CCDC102B: variants seen among roughly 807,000 people sequenced by gnomAD.
CCDC102B encodes the protein coiled-coil domain containing 102B.
A neutral mutation model predicts 57.4 loss-of-function variants in CCDC102B; 75 were observed. The observed-to-expected ratio is 1.31, with a 90% CI of 1.08 to 1.58. The LOEUF (loss-of-function observed/expected upper bound fraction) is 1.58. Among genes scored for constraint, CCDC102B ranks in the 40% most tolerant of loss-of-function variants. The pLI, the probability that CCDC102B is intolerant of heterozygous loss-of-function variation, is 0.00. For missense variants in CCDC102B, 636 were observed against 582.6 expected (o/e 1.09, Z -0.94); for synonymous variants, 206 against 201.9 (o/e 1.02, Z -0.17).
chr18:68,995,575 G>A (rs2051002891), intron 6 of CCDC102B, among the ~76,000 whole-genome samples: 1 of 152,112 alleles, frequency 6.6e-6, no homozygotes, highest in Non-Finnish European at 1.5e-5. Flanking sequence ...TCCACATGGT[G>A]TTCGGCCTGT....
intron 6 of CCDC102B, among the ~76,000 whole-genome samples, chr18:68,928,970 C>A (rs1250681414): frequency 6.6e-6 from 1 of 151,746 alleles, no homozygotes; most frequent in Non-Finnish European, 1.5e-5. Context: ...AAAAGGTGTG[C>A]CTTTCTGAAG....
chr18:68,791,304 C>A, intron 2 of CCDC102B, among the ~76,000 whole-genome samples: 1 of 152,146 alleles, frequency 6.6e-6, no homozygotes, highest in East Asian at 1.9e-4. Flanking sequence ...AGTTGAATTG[C>A]AATTTAATAT....
At chr18:68,741,487 T>G (rs2033379108) in intron 2 of CCDC102B, among the ~76,000 whole-genome samples, 1 of 152,078 alleles carries the variant, frequency 6.6e-6, no homozygotes, top group Non-Finnish European at 1.5e-5. Flanking sequence ...GGGACAGAAA[T>G]GAAGAAACTG....
chr18:68,716,765 C>A (rs2032025378), intron 2 of CCDC102B, among the ~76,000 whole-genome samples: 1 of 151,834 alleles, frequency 6.6e-6, no homozygotes, highest in Non-Finnish European at 1.5e-5. Context: ...GAGACCCCAT[C>A]TGTACAAAAA....
intron 6 of CCDC102B, among the ~76,000 whole-genome samples, chr18:68,914,466 A>G (rs2040991141): frequency 6.6e-6 from 1 of 152,208 alleles, no homozygotes; most frequent in African/African-American, 2.4e-5. Context: ...ATGAATACAT[A>G]TTATCGTAAA....
chr18:68,816,459 CTTTTTTTTTTTTT>C (rs869077830), intron 1 of CCDC102B, among the ~76,000 whole-genome samples: 2 of 100,588 alleles, frequency 2.0e-5, no homozygotes, highest in African/African-American at 4.0e-5. Context: ...TATTTCCTTT[CTTTTTTTTTTTTT>C]TTTTTTTTTT....
At chr18:69,049,843 T>G (rs1261888801) in intron 7 of CCDC102B, among the ~76,000 whole-genome samples, 1 of 151,890 alleles carries the variant, frequency 6.6e-6, no homozygotes, top group Non-Finnish European at 1.5e-5. Context: ...GGAGTCTCAC[T>G]ATGTTGCCCA....
intron 6 of CCDC102B, among the ~76,000 whole-genome samples, chr18:68,950,608 G>A (rs11876450): frequency 0.013 from 2,028 of 151,954 alleles, 44 homozygotes; most frequent in African/African-American, 0.046. Context: ...TCTCACCGTC[G>A]ATTCTCAATC....
intron 6 of CCDC102B, among the ~76,000 whole-genome samples, chr18:68,924,947 C>T (rs1328192629): frequency 7.9e-5 from 12 of 152,014 alleles, no homozygotes; most frequent in Admixed American, 5.9e-4. Flanking sequence ...TTGGGCAAGT[C>T]TGTGACAGGC....
intron 6 of CCDC102B, among the ~76,000 whole-genome samples, chr18:68,976,945 A>T (rs1382746482): frequency 1.3e-5 from 2 of 151,990 alleles, no homozygotes; most frequent in Admixed American, 1.3e-4. Flanking sequence ...TTTTTACATC[A>T]CTGATAATTT....
chr18:68,837,534 A>G (rs1019921228), intron 2 of CCDC102B, among the ~76,000 whole-genome samples, 165 bp downstream of exon 2: 2 of 152,192 alleles, frequency 1.3e-5, no homozygotes, highest in Admixed American at 1.3e-4. Context: ...TCATTTTCTT[A>G]CAATTGTAGA....
intron 4 of CCDC102B, among the ~76,000 whole-genome samples, chr18:68,860,957 A>T (rs1225660489): frequency 7.0e-6 from 1 of 143,488 alleles, no homozygotes; most frequent in Non-Finnish European, 1.5e-5. Context: ...GAATGAATGA[A>T]TGTACAGGAG....
chr18:68,798,215 T>G (rs1325460523), intron 1 of CCDC102B, 34 bp downstream of exon 1: 1 of 152,106 alleles, frequency 6.6e-6, no homozygotes, highest in Non-Finnish European at 1.5e-5. Flanking sequence ...GGTTTTCTAT[T>G]TAATTTTTAT....
chr18:68,895,731 G>A (rs2040219700), intron 5 of CCDC102B, among the ~76,000 whole-genome samples: 2 of 151,650 alleles, frequency 1.3e-5, no homozygotes, highest in South Asian at 4.2e-4. Flanking sequence ...TTATATGTAT[G>A]GTATCATACT....
At chr18:68,717,167 C>A (rs899453353) in intron 2 of CCDC102B, among the ~76,000 whole-genome samples, 1 of 152,050 alleles carries the variant, frequency 6.6e-6, no homozygotes, top group South Asian at 2.1e-4. Flanking sequence ...TAAGTTGGGC[C>A]AGGGAAGTTG....
intron 6 of CCDC102B, among the ~76,000 whole-genome samples, chr18:68,920,403 A>C (rs1353224675): frequency 1.3e-5 from 2 of 152,138 alleles, no homozygotes; most frequent in Non-Finnish European, 2.9e-5. Flanking sequence ...CAAACCTGGA[A>C]AATTATTATT....
intron 5 of CCDC102B, among the ~76,000 whole-genome samples, chr18:68,895,145 T>C (rs1412665966): frequency 6.6e-6 from 1 of 151,922 alleles, no homozygotes; most frequent in Non-Finnish European, 1.5e-5. Context: ...TGGCAGGTAC[T>C]AAATTAAATT....
upstream of CCDC102B, among the ~76,000 whole-genome samples, chr18:68,794,955 A>G (rs2035580268): frequency 6.6e-6 from 1 of 151,670 alleles, no homozygotes; most frequent in Admixed American, 6.6e-5. Flanking sequence ...CACATGAGAA[A>G]GCTGCAAGTA....
At chr18:68,785,198 G>T (rs1406521164) in intron 2 of CCDC102B, among the ~76,000 whole-genome samples, 1 of 151,840 alleles carries the variant, frequency 6.6e-6, no homozygotes, top group Non-Finnish European at 1.5e-5. Flanking sequence ...TGGTGTATAT[G>T]TGCCACATTT....
Sources: gnomAD v4.1 joint callset for allele counts (sites outside exome capture counted in the v4.1 genomes callset) on GRCh38, gnomAD v4.1.1 for gene constraint, MANE v1.5 for transcripts, NCBI Gene and HGNC (gene_info 2026-07-23, HGNC 2026-07-21) for gene names.